Variants in ZNF385D observed in about 807,000 individuals in gnomAD.
The protein encoded by ZNF385D is zinc finger protein 385D.
ZNF385D carries 15 observed loss-of-function variants against 35.8 expected under a neutral mutation model. That is an observed-to-expected ratio of 0.42 (90% CI 0.28 to 0.64). The LOEUF (loss-of-function observed/expected upper bound fraction) is 0.64, where lower values mean the gene tolerates loss of function less well. Among genes scored for constraint, ZNF385D ranks in the 30% least tolerant of loss-of-function variants. The pLI is 0.23. For synonymous variants in ZNF385D, 212 were observed against 186.8 expected, an observed-to-expected ratio of 1.13 and a Z score of -1.10; for missense variants, 474 against 494.6, an observed-to-expected ratio of 0.96 and a Z score of 0.39.
intron 2 of ZNF385D, among the ~76,000 whole-genome samples, chr3:22,181,377 C>G (rs1389718865): frequency 6.6e-6 from 1 of 152,028 alleles, no homozygotes; most frequent in African/African-American, 2.4e-5. Context: ...GAGGGTAGAA[C>G]CTGTAACTAG....
At chr3:22,355,539 T>G (rs148940997) in intron 2 of ZNF385D, among the ~76,000 whole-genome samples, 71 of 151,896 alleles carry the variant, frequency 4.7e-4, no homozygotes, top group African/African-American at 1.6e-3. Context: ...AAAAAGCAAC[T>G]AAGACAAAGA....
chr3:21,727,480 A>T (rs1559557370), intron 1 of ZNF385D, among the ~76,000 whole-genome samples: 1 of 152,216 alleles, frequency 6.6e-6, no homozygotes, highest in African/African-American at 2.4e-5. Flanking sequence ...TTTACAAGAA[A>T]AAAACAACCC....
At chr3:22,313,306 G>A (rs1307669898) in intron 2 of ZNF385D, among the ~76,000 whole-genome samples, 1 of 150,978 alleles carries the variant, frequency 6.6e-6, no homozygotes, top group Non-Finnish European at 1.5e-5. Flanking sequence ...GCTAAATGAC[G>A]AGTTAATGGG....
In ZNF385D at chr3:21,842,523, T is replaced by C. The variant is rs569168792; in HGVS notation, c.326-177495A>G. ...AGCCCCATTTGGTCGACACAGGCTC[T>C]CTAGGGCCATCACAGATACTCATGG... is the stretch of plus-strand genomic sequence containing the variant. On this transcript the variant is annotated intron_variant, in intron 3 of 5. Transcript: ENST00000494108. Among the ~76,000 whole-genome samples the C allele has an allele frequency of 4.6e-5, 7 of 152,156 alleles. No individual in the cohort carries two copies. In the South Asian group the frequency reaches 1.4e-3, roughly 32 times the overall value.
intron 2 of ZNF385D, among the ~76,000 whole-genome samples, chr3:22,291,402 A>G (rs1422685549): frequency 6.6e-6 from 1 of 152,076 alleles, no homozygotes; most frequent in Non-Finnish European, 1.5e-5. Flanking sequence ...TTTATTTATA[A>G]AATTATTTCA....
chr3:21,696,694 C>T (rs1327568793), intron 1 of ZNF385D, among the ~76,000 whole-genome samples: 1 of 152,184 alleles, frequency 6.6e-6, no homozygotes, highest in East Asian at 1.9e-4. Flanking sequence ...CAAGCTTCTA[C>T]AATGCATTTA....
intron 3 of ZNF385D, among the ~76,000 whole-genome samples, chr3:21,933,569 T>C (rs559856060): frequency 4.7e-4 from 71 of 152,366 alleles, no homozygotes; most frequent in Non-Finnish European, 9.7e-4. Flanking sequence ...GGGCCTAACA[T>C]GATGGCATTT....
At chr3:22,202,296 A>C (rs1404707248) in intron 2 of ZNF385D, among the ~76,000 whole-genome samples, 1 of 152,102 alleles carries the variant, frequency 6.6e-6, no homozygotes, top group African/African-American at 2.4e-5. Flanking sequence ...TCTTTGGAAG[A>C]AGTGAGAGCA....
intron 3 of ZNF385D, among the ~76,000 whole-genome samples, chr3:21,804,391 C>T (rs901303668): frequency 2.0e-5 from 3 of 152,054 alleles, no homozygotes; most frequent in African/African-American, 7.2e-5. Flanking sequence ...TACCAGTGGA[C>T]AGTAACGTTT....
rs150711882 is a variant in ZNF385D at position 21,902,439 on chromosome 3, C to T, written c.326-237411G>A. On this transcript the variant is annotated intron_variant, in intron 3 of 5. Coordinates refer to the ZNF385D transcript ENST00000494108. ...GATGTGACTTTGCCAAGGTGATCAC[C>T]GGTATCTTGGTAGGAAATAGCGGAG... Among the ~76,000 whole-genome samples, 225 of 152,156 alleles carry T rather than the reference C, an allele frequency of 1.5e-3. 1 individual carries two copies. The highest frequency in any genetic ancestry group is 5.3e-3 in the African/African-American group (219 of 41,528).
At chr3:22,041,245 A>G (rs187739) in intron 3 of ZNF385D, among the ~76,000 whole-genome samples, 44,672 of 151,978 alleles carry the variant, frequency 0.29, 6,761 homozygotes, top group Middle Eastern at 0.39. Flanking sequence ...ACATGGTTGC[A>G]TATCATTAGC....
At chr3:21,867,996 C>A (rs1697465307) in intron 3 of ZNF385D, among the ~76,000 whole-genome samples, 1 of 152,076 alleles carries the variant, frequency 6.6e-6, no homozygotes, top group African/African-American at 2.4e-5. Flanking sequence ...AGAAACTGAA[C>A]CTAGCACAAA....
intron 2 of ZNF385D, among the ~76,000 whole-genome samples, chr3:22,350,715 A>T (rs1250688730): frequency 6.6e-6 from 1 of 152,096 alleles, no homozygotes; most frequent in Non-Finnish European, 1.5e-5. Context: ...ATGCGATTAT[A>T]ACTTCCTTTC....
chr3:22,065,017 T>A (rs530624732), intron 3 of ZNF385D, among the ~76,000 whole-genome samples: 1 of 152,346 alleles, frequency 6.6e-6, no homozygotes, highest in South Asian at 2.1e-4. Context: ...TTTAGAACTT[T>A]AGAAATACAA....
At chr3:22,335,165 C>T (rs1695108322) in intron 2 of ZNF385D, among the ~76,000 whole-genome samples, 2 of 152,048 alleles carry the variant, frequency 1.3e-5, no homozygotes, top group South Asian at 4.2e-4. Flanking sequence ...ATGTGTTAGG[C>T]CTTGATGCTG....
chr3:22,234,846 T>A (rs532928835), intron 2 of ZNF385D, among the ~76,000 whole-genome samples: 2 of 152,196 alleles, frequency 1.3e-5, no homozygotes, highest in African/African-American at 4.8e-5. Context: ...AAATATTGCA[T>A]CTGAATAGTA....
At chr3:22,335,743 A>G (rs1030894005) in intron 2 of ZNF385D, among the ~76,000 whole-genome samples, 2 of 152,148 alleles carry the variant, frequency 1.3e-5, no homozygotes, top group Non-Finnish European at 2.9e-5. Flanking sequence ...TTAAGGAACA[A>G]CTTTCTTCTA....
intron 3 of ZNF385D, among the ~76,000 whole-genome samples, chr3:21,964,932 G>A (rs1702826680): frequency 6.6e-6 from 1 of 152,174 alleles, no homozygotes; most frequent in Non-Finnish European, 1.5e-5. Flanking sequence ...ATAGGAAGAT[G>A]CATATATTCA....
chr3:21,813,245 A>AACC (rs2073009398), intron 3 of ZNF385D, among the ~76,000 whole-genome samples: 2 of 152,186 alleles, frequency 1.3e-5, no homozygotes, highest in Non-Finnish European at 2.9e-5. Context: ...GATGGGGAGA[A>AACC]ACCAGCACAG....
Sources: allele counts gnomAD v4.1 joint callset (sites outside exome capture counted in the v4.1 genomes callset), GRCh38; gene constraint gnomAD v4.1.1; transcripts MANE v1.5; gene names NCBI Gene and HGNC (gene_info 2026-07-23, HGNC 2026-07-21).